The following FAR2 variants were observed in gnomAD, a reference collection of about 807,000 sequenced individuals.
FAR2 encodes the protein fatty acyl-CoA reductase 2.
In FAR2, 19 loss-of-function variants were observed where a neutral mutation model predicts 56.0. The ratio of observed to expected loss-of-function variants is 0.34; its 90% CI spans 0.24 to 0.50. The LOEUF is 0.50. Ranked by LOEUF, FAR2 falls within the 20% of genes least tolerant of loss-of-function variation. The pLI, the probability that FAR2 is intolerant of heterozygous loss-of-function variation, is 0.98. For synonymous variants in FAR2, 219 were observed against 218.8 expected, an observed-to-expected ratio of 1.00 and a Z score of -0.01; for missense variants, 508 against 642.2, an observed-to-expected ratio of 0.79 and a Z score of 2.26.
Position 29,334,754 on chromosome 12 carries a change from T to C in FAR2, c.*960T>C, listed in dbSNP as rs1949774505. ...TCTTCTGGTATAAAGTGGGGAAGAT[T>C]ACACTTATGTGATCACCAAAGGATT... On this transcript the variant is annotated 3_prime_UTR_variant, in exon 12 of 12. Coordinates refer to ENST00000536681, the MANE Select transcript of FAR2 (RefSeq NM_001271783.2). The C allele has an allele frequency of 1.3e-5, 2 of 152,174 alleles. No homozygotes were observed. Among genetic ancestry groups the C allele is most frequent in the South Asian group, 4.1e-4 (2 of 4,832 alleles). 9.4% of individuals were successfully genotyped at this position (152,174 alleles called of 1,614,324 possible). A position where few individuals can be genotyped will look rare whatever the true frequency, so the allele number is the denominator to read the frequency against.
Position 29,316,979 on chromosome 12 carries a change from ACTG to A in FAR2, c.1097_1099del (p.Cys366del). ...CACCGGGCCCCTGCCATTATCTATG[ACTG>A]CTATCTGCGGCTCACTGGAAGGAAG... On this transcript the variant is annotated inframe_deletion, in exon 9 of 12. Transcript: ENST00000536681. The A allele has an allele frequency of 6.2e-7, 1 of 1,613,888 alleles. No individual in the cohort carries two copies. The highest frequency in any genetic ancestry group is 8.5e-7 in the Non-Finnish European group (1 of 1,179,880).
At chr12:29,269,725 G>A (rs12818302) in intron 1 of FAR2, among the ~76,000 whole-genome samples, 20,748 of 152,226 alleles carry the variant, frequency 0.14, 1,546 homozygotes, top group Middle Eastern at 0.28. Context: ...CATGGCTTCA[G>A]CCGGTCCCTC....
intron 1 of FAR2, among the ~76,000 whole-genome samples, chr12:29,225,107 A>C (rs1284580082): frequency 6.6e-6 from 1 of 151,936 alleles, no homozygotes; most frequent in Non-Finnish European, 1.5e-5. Flanking sequence ...GTGGTGGTGC[A>C]CTCTCGTAGT....
At chr12:29,333,015 T>A (rs1949754418) in intron 11 of FAR2, 2 of 433,228 alleles carry the variant, frequency 4.6e-6, no homozygotes, top group Admixed American at 3.2e-5. Context: ...GAGCCAGATT[T>A]GAACCCAAAT....
At chr12:29,257,737 A>G (rs927761923) in intron 1 of FAR2, among the ~76,000 whole-genome samples, 1 of 152,118 alleles carries the variant, frequency 6.6e-6, no homozygotes, top group African/African-American at 2.4e-5. Context: ...CGAGACCACG[A>G]ACCCACCAGA....
intron 2 of FAR2, among the ~76,000 whole-genome samples, chr12:29,274,629 G>A (rs1280895097): frequency 1.3e-5 from 2 of 152,104 alleles, no homozygotes; most frequent in Non-Finnish European, 2.9e-5. Flanking sequence ...GCCGGTTCCT[G>A]CCTTAACTGA....
intron 1 of FAR2, among the ~76,000 whole-genome samples, chr12:29,182,984 CA>C (rs1270026318): frequency 6.8e-6 from 1 of 146,266 alleles, no homozygotes; most frequent in Middle Eastern, 3.4e-3. Context: ...TAGTCCATTC[CA>C]ATCTGACCTG....
chr12:29,269,358 G>C (rs182729767), intron 1 of FAR2, among the ~76,000 whole-genome samples: 3 of 152,304 alleles, frequency 2.0e-5, no homozygotes, highest in African/African-American at 7.2e-5. Flanking sequence ...CTGGCAGTCA[G>C]AGTTTAAGGT....
At chr12:29,175,738 T>G (rs1221635120) in intron 1 of FAR2, among the ~76,000 whole-genome samples, 2 of 152,198 alleles carry the variant, frequency 1.3e-5, no homozygotes, top group African/African-American at 2.4e-5. Context: ...GAGTGCTGAT[T>G]GGTGCGTTTA....
chr12:29,269,111 C>T lies in FAR2; in HGVS notation c.-38-1301C>T, dbSNP rs755825854. 5.3e-5 allele frequency among the ~76,000 whole-genome samples: 8 copies of T among 152,164 alleles called. No individual in the cohort carries two copies. In the South Asian group the frequency reaches 8.3e-4, roughly 16 times the overall value. On this transcript the variant is annotated intron_variant, in intron 1 of 11. Coordinates refer to ENST00000536681, the MANE Select transcript of FAR2 (RefSeq NM_001271783.2). ...AACCGGTCTGACCAAAATTATTAGG[C>T]GGGAATTTCCTCTTCCTAATAAGCC...
At chr12:29,300,392 G>C (rs539591177) in intron 4 of FAR2, among the ~76,000 whole-genome samples, 8 of 152,238 alleles carry the variant, frequency 5.3e-5, no homozygotes, top group Non-Finnish European at 8.8e-5. Context: ...TCCTATACCA[G>C]ATGGAATTTT....
intron 2 of FAR2, among the ~76,000 whole-genome samples, chr12:29,288,639 AAAGACTGGAGAAATTACATTACTTC>A (rs1948911693): frequency 6.6e-6 from 1 of 152,166 alleles, no homozygotes; most frequent in Non-Finnish European, 1.5e-5. Context: ...GGTCTGCTAT[AAAGACTGGAGAAATTACATTACTTC>A]AAGCTCCCAC....
chr12:29,155,401 A>T (rs567256003), intron 1 of FAR2, among the ~76,000 whole-genome samples: 1 of 152,236 alleles, frequency 6.6e-6, no homozygotes, highest in Non-Finnish European at 1.5e-5. Context: ...CAGAAATGCA[A>T]CTTATGGCCA....
At chr12:29,186,875 G>T (rs189716599) in intron 1 of FAR2, among the ~76,000 whole-genome samples, 67 of 152,054 alleles carry the variant, frequency 4.4e-4, no homozygotes, top group Non-Finnish European at 1.2e-4. Context: ...TGTAAGCTCC[G>T]CCTCCCGGGT....
chr12:29,276,318 A>T, intron 2 of FAR2, among the ~76,000 whole-genome samples: 1 of 152,236 alleles, frequency 6.6e-6, no homozygotes, highest in Non-Finnish European at 1.5e-5. Context: ...TTTCCCATAA[A>T]TTTTTCCCTC....
chr12:29,208,604 A>T (rs79812146), intron 1 of FAR2, among the ~76,000 whole-genome samples: 6,301 of 152,270 alleles, frequency 0.041, 188 homozygotes, highest in Non-Finnish European at 0.064. Flanking sequence ...TTATTCAGGT[A>T]TCAGGAAGTG....
At chr12:29,260,194 G>A (rs78303655) in intron 1 of FAR2, among the ~76,000 whole-genome samples, 59 of 152,204 alleles carry the variant, frequency 3.9e-4, no homozygotes, top group African/African-American at 1.4e-3. Flanking sequence ...GAAAGTAATG[G>A]CAAACACTGC....
intron 1 of FAR2, among the ~76,000 whole-genome samples, chr12:29,189,979 T>C (rs1468580446): frequency 6.6e-6 from 1 of 151,352 alleles, no homozygotes; most frequent in Non-Finnish European, 1.5e-5. Context: ...GAAGTAGGGG[T>C]AGGAGAATGA....
chr12:29,159,309 C>T (rs548594507), intron 1 of FAR2, among the ~76,000 whole-genome samples: 11 of 152,152 alleles, frequency 7.2e-5, no homozygotes, highest in Admixed American at 5.2e-4. Context: ...GAGGCCAAGG[C>T]GGGCGGATCA....
Sources: allele counts gnomAD v4.1 joint callset (sites outside exome capture counted in the v4.1 genomes callset), GRCh38; gene constraint gnomAD v4.1.1; transcripts MANE v1.5; gene names NCBI Gene and HGNC (gene_info 2026-07-23, HGNC 2026-07-21).